GALNT13: variants seen among roughly 807,000 people sequenced by gnomAD.
GALNT13 encodes UDP-GalNAc:polypeptide N-acetylgalactosaminyltransferase 13.
Under a neutral mutation model 64.2 loss-of-function variants are expected in GALNT13, and 28 were observed. The ratio of observed to expected loss-of-function variants is 0.44; its 90% confidence interval spans 0.32 to 0.60. The LOEUF is 0.60. GALNT13 is among the 20% of genes least tolerant of loss of function. The probability of loss-of-function intolerance (pLI) is 0.05; values close to 1 mark genes in which losing one functional copy is unlikely to be tolerated. For synonymous variants in GALNT13, 214 were observed against 224.6 expected (o/e 0.95, Z 0.42); for missense variants, 577 against 669.8 (o/e 0.86, Z 1.53).
chr2:153,922,033 A>T (rs1433811570), intron 2 of GALNT13, among the ~76,000 whole-genome samples: 2 of 152,170 alleles, frequency 1.3e-5, no homozygotes, highest in South Asian at 2.1e-4. Flanking sequence ...AAAAAAATCC[A>T]TGTATCGGTT....
intron 2 of GALNT13, among the ~76,000 whole-genome samples, 161 bp downstream of exon 2, chr2:153,901,168 T>G (rs1384040920): frequency 6.6e-6 from 1 of 152,172 alleles, no homozygotes; most frequent in Non-Finnish European, 1.5e-5. Flanking sequence ...GGGTCTTTAT[T>G]CTGTTCCATT....
the GALNT13 span, among the ~76,000 whole-genome samples, chr2:153,402,970 A>C: frequency 1.3e-5 from 2 of 151,540 alleles, no homozygotes; most frequent in Non-Finnish European, 1.5e-5. Context: ...GTTGCTGGTG[A>C]GGAACTGCGT....
At chr2:153,945,117 A>G (rs1691627016) in intron 3 of GALNT13, among the ~76,000 whole-genome samples, 1 of 152,210 alleles carries the variant, frequency 6.6e-6, no homozygotes, top group Non-Finnish European at 1.5e-5. Flanking sequence ...AACAAAACAC[A>G]TGGCGGTATG....
chr2:154,101,595 A>G (rs1162895506), intron 3 of GALNT13, among the ~76,000 whole-genome samples: 2 of 152,048 alleles, frequency 1.3e-5, no homozygotes. Flanking sequence ...TATCCTTTCA[A>G]AAATTAACTT....
At chr2:154,379,065 C>T (rs538583897) in intron 9 of GALNT13, among the ~76,000 whole-genome samples, 11 of 151,986 alleles carry the variant, frequency 7.2e-5, no homozygotes, top group Middle Eastern at 3.5e-3. Context: ...GAATATGTGG[C>T]TAGAAATACA....
the GALNT13 span, among the ~76,000 whole-genome samples, chr2:153,242,334 T>C: frequency 6.6e-6 from 1 of 152,162 alleles, no homozygotes; most frequent in African/African-American, 2.4e-5. Context: ...GAATTTTCCT[T>C]TCTCTGAACT....
the GALNT13 span, among the ~76,000 whole-genome samples, chr2:153,422,548 T>C: frequency 6.6e-6 from 1 of 152,122 alleles, no homozygotes; most frequent in Non-Finnish European, 1.5e-5. Flanking sequence ...TAAGTGCTCT[T>C]ATCACAATAA....
the GALNT13 span, among the ~76,000 whole-genome samples, chr2:153,316,670 G>A: frequency 1.8e-5 from 2 of 111,932 alleles, no homozygotes; most frequent in East Asian, 2.4e-4. Flanking sequence ...TTTGTACAAC[G>A]TGTTCACAGC....
the GALNT13 span, among the ~76,000 whole-genome samples, chr2:153,864,351 G>C: frequency 6.6e-6 from 1 of 152,138 alleles, no homozygotes; most frequent in African/African-American, 2.4e-5. Context: ...ATCAAAAACA[G>C]AAAGTCTTAA....
At chr2:153,885,056 AAAAT>A (rs1687078794) in intron 1 of GALNT13, among the ~76,000 whole-genome samples, 1 of 150,968 alleles carries the variant, frequency 6.6e-6, no homozygotes, top group African/African-American at 2.4e-5. Flanking sequence ...AAAATAAAGT[AAAAT>A]AAATAAAATA....
At chr2:154,361,425 T>C (rs1197268605) in intron 9 of GALNT13, among the ~76,000 whole-genome samples, 1 of 152,100 alleles carries the variant, frequency 6.6e-6, no homozygotes, top group Non-Finnish European at 1.5e-5. Context: ...CCAAAACCTT[T>C]TGGAGTGATC....
chr2:153,140,683 C>A, the GALNT13 span, among the ~76,000 whole-genome samples: 1 of 151,944 alleles, frequency 6.6e-6, no homozygotes, highest in Non-Finnish European at 1.5e-5. Flanking sequence ...CATATGTTAA[C>A]CACCACAAGG....
At chr2:153,137,013 G>A in the GALNT13 span, among the ~76,000 whole-genome samples, 10 of 152,020 alleles carry the variant, frequency 6.6e-5, no homozygotes, top group Admixed American at 6.6e-4. Context: ...TGTGTTAGGA[G>A]AAGGAAAAGT....
chr2:153,693,035 C>T, the GALNT13 span, among the ~76,000 whole-genome samples: 3 of 152,168 alleles, frequency 2.0e-5, no homozygotes, highest in East Asian at 5.8e-4. Flanking sequence ...ATACTAGAGG[C>T]AATATATAGC....
chr2:153,766,639 G>A, the GALNT13 span, among the ~76,000 whole-genome samples: 1 of 151,980 alleles, frequency 6.6e-6, no homozygotes, highest in Non-Finnish European at 1.5e-5. Flanking sequence ...CAAGCCTGTT[G>A]AAGCTTTCTA....
chr2:153,921,907 T>TA (rs968972148), intron 2 of GALNT13, among the ~76,000 whole-genome samples: 3 of 151,586 alleles, frequency 2.0e-5, no homozygotes, highest in African/African-American at 7.3e-5. Flanking sequence ...ATAAGATGAA[T>TA]AAAAAAAGGA....
intron 2 of GALNT13, among the ~76,000 whole-genome samples, chr2:153,927,565 T>G (rs1283510888): frequency 2.6e-5 from 4 of 152,078 alleles, no homozygotes; most frequent in African/African-American, 9.7e-5. Flanking sequence ...TTTAGCAATA[T>G]TATATGACAA....
intron 2 of GALNT13, among the ~76,000 whole-genome samples, chr2:153,901,964 T>C (rs1343832562): frequency 6.6e-6 from 1 of 152,190 alleles, no homozygotes; most frequent in Non-Finnish European, 1.5e-5. Context: ...AGGGTTGAGC[T>C]TGACTTACCA....
chr2:153,668,945 C>T, the GALNT13 span, among the ~76,000 whole-genome samples: 3 of 152,274 alleles, frequency 2.0e-5, no homozygotes, highest in South Asian at 6.2e-4. Context: ...GGGGAACTGT[C>T]AGATGAGGAC....
Sources: allele counts gnomAD v4.1 joint callset (sites outside exome capture counted in the v4.1 genomes callset), GRCh38; gene constraint gnomAD v4.1.1; transcripts MANE v1.5; gene names NCBI Gene and HGNC (gene_info 2026-07-23, HGNC 2026-07-21).